Variants in YJU2B observed in about 807,000 individuals in gnomAD.
YJU2B encodes the protein YJU2 splicing factor homolog B, also known as probable splicing factor YJU2B.
A neutral mutation model predicts 38.0 loss-of-function variants in YJU2B; 18 were observed. The observed-to-expected ratio is 0.47, with a 90% CI of 0.33 to 0.70. The LOEUF is 0.70. YJU2B is among the 30% of genes least tolerant of loss of function. The pLI, the probability that YJU2B is intolerant of heterozygous loss-of-function variation, is 0.02. For missense variants in YJU2B, 538 were observed against 556.3 expected, an observed-to-expected ratio of 0.97 and a Z score of 0.33; for synonymous variants, 246 against 225.4, an observed-to-expected ratio of 1.09 and a Z score of -0.82.
chr19:13,762,560 G>C, intron 9 of YJU2B, 30 bp from the exon 10 acceptor site: 18 of 1,530,638 alleles, frequency 1.2e-5, no homozygotes, highest in Non-Finnish European at 1.6e-5. Context: ...CTCCCCTGCC[G>C]CCCCTGAAAT....
At position 13,756,319 on chromosome 19, in the gene YJU2B, C is replaced by A. The variant is rs201053407; in HGVS notation, c.140+40C>A. On this transcript the variant is annotated intron_variant, in intron 4 of 9. Coordinates refer to ENST00000221554, the MANE Select transcript of YJU2B (RefSeq NM_030818.4). ...CACCTGAGGACCCCACCGTCCTGCC[C>A]CATTCCTTCAGTCTCAAGGAGAGTT... The A allele has an allele frequency of 7.1e-5, 109 of 1,532,808 alleles. No homozygotes were observed. In the East Asian group the frequency reaches 2.4e-3, roughly 34 times the overall value. 95.0% of individuals were successfully genotyped at this position (1,532,808 alleles called of 1,614,324 possible).
chr19:13,738,772 C>T (rs562160897), intron 2 of YJU2B, among the ~76,000 whole-genome samples: 172 of 152,148 alleles, frequency 1.1e-3, no homozygotes, highest in Non-Finnish European at 2.1e-3. Context: ...TGCCTATAGT[C>T]CCAGCTACTC....
At chr19:13,737,875 A>G in intron 2 of YJU2B, among the ~76,000 whole-genome samples, 1 of 152,042 alleles carries the variant, frequency 6.6e-6, no homozygotes, top group East Asian at 1.9e-4. Context: ...CCCTTGGGAA[A>G]TAATATAAAT....
chr19:13,753,153 C>T (rs1219563633), intron 2 of YJU2B, among the ~76,000 whole-genome samples: 1 of 152,204 alleles, frequency 6.6e-6, no homozygotes, highest in Non-Finnish European at 1.5e-5. Flanking sequence ...CAATCAGACA[C>T]TGAGCCCAGC....
chr19:13,762,267 C>T (rs571854814), intron 8 of YJU2B, 32 bp from the exon 9 acceptor site: 10 of 1,609,790 alleles, frequency 6.2e-6, no homozygotes, highest in Admixed American at 1.7e-5. Context: ...TTTGACACCC[C>T]CTATCTCTGG....
chr19:13,747,829 G>A (rs1190028671), upstream of YJU2B: 7 of 152,318 alleles, frequency 4.6e-5, no homozygotes, highest in Non-Finnish European at 7.3e-5. Flanking sequence ...GCCAATCAGC[G>A]TGGAGCTGCT....
upstream of YJU2B, among the ~76,000 whole-genome samples, chr19:13,747,189 C>T (rs1267725989): frequency 2.0e-5 from 3 of 152,172 alleles, no homozygotes; most frequent in Non-Finnish European, 2.9e-5. Flanking sequence ...GAAAACCTCT[C>T]CTTCCCTGCA....
intron 2 of YJU2B, among the ~76,000 whole-genome samples, chr19:13,733,250 C>T (rs994179719): frequency 5.9e-5 from 9 of 151,988 alleles, no homozygotes; most frequent in Admixed American, 1.3e-4. Context: ...TTCTTAAGCC[C>T]ACCTGGCATC....
At chr19:13,749,092 C>A (rs909964774) in intron 1 of YJU2B, among the ~76,000 whole-genome samples, 3 of 152,206 alleles carry the variant, frequency 2.0e-5, no homozygotes, top group African/African-American at 7.2e-5. Context: ...CAACCTCCGC[C>A]TCCCAGATTC....
intron 2 of YJU2B, among the ~76,000 whole-genome samples, chr19:13,734,655 CAT>C (rs927328525): frequency 6.6e-6 from 1 of 152,140 alleles, no homozygotes; most frequent in African/African-American, 2.4e-5. Context: ...GTGCTGCAAA[CAT>C]AGCTCACTGC....
intron 8 of YJU2B, among the ~76,000 whole-genome samples, chr19:13,760,822 G>A (rs564571434): frequency 5.4e-4 from 82 of 152,116 alleles, no homozygotes; most frequent in Non-Finnish European, 4.7e-4. Flanking sequence ...CCATGCTGCA[G>A]TGCAGTGGCA....
At chr19:13,742,282 CTTT>C (rs1336303957) in intron 2 of YJU2B, among the ~76,000 whole-genome samples, 2 of 139,000 alleles carry the variant, frequency 1.4e-5, no homozygotes, top group East Asian at 2.1e-4. Flanking sequence ...TCTGGTCCTT[CTTT>C]GAGTCCCACT....
chr19:13,737,592 C>A, intron 2 of YJU2B, among the ~76,000 whole-genome samples: 1 of 149,444 alleles, frequency 6.7e-6, no homozygotes, highest in Non-Finnish European at 1.5e-5. Flanking sequence ...CAAGACCAGC[C>A]TGACCAACAT....
In YJU2B at chr19:13,750,230, T is replaced by G. The variant is rs75718865; in HGVS notation, c.-201-1378T>G. ...ATGGTTAGATGAGTTCATTGGTTTT[T>G]TTTGTTTGTTTGTTTGAGACGGAGT... On this transcript the variant is annotated intron_variant, in intron 1 of 9. Coordinates refer to ENST00000221554, the MANE Select transcript of YJU2B (RefSeq NM_030818.4). Among the ~76,000 whole-genome samples the G allele has an allele frequency of 8.3e-3, 1,263 of 152,244 alleles. 14 individuals are homozygous for G. The highest frequency in any genetic ancestry group is 0.027 in the African/African-American group (1,139 of 41,572).
chr19:13,742,294 C>CTTTTTTTTTTTT (rs552865402), intron 2 of YJU2B, among the ~76,000 whole-genome samples: 17 of 111,980 alleles, frequency 1.5e-4, no homozygotes, highest in African/African-American at 6.1e-4. Context: ...TTGAGTCCCA[C>CTTTTTTTTTTTT]TTTTTTTTTT....
At chr19:13,759,483 G>C (rs1973803006) in intron 8 of YJU2B, 1 of 520,142 alleles carries the variant, frequency 1.9e-6, no homozygotes, top group Non-Finnish European at 3.3e-6. Context: ...TAGAAATTTG[G>C]CTGGGCACAG....
At chr19:13,751,932 T>C in intron 2 of YJU2B, 121 bp downstream of exon 2, 2 of 943,060 alleles carry the variant, frequency 2.1e-6, no homozygotes, top group Non-Finnish European at 3.4e-6. Context: ...GTCATCATCT[T>C]TTGGTGCAGT....
At chr19:13,736,145 G>A (rs1972939385) in intron 2 of YJU2B, among the ~76,000 whole-genome samples, 1 of 151,708 alleles carries the variant, frequency 6.6e-6, no homozygotes, top group African/African-American at 2.4e-5. Context: ...GTAAATTATA[G>A]GATATACCAA....
intron 1 of YJU2B, among the ~76,000 whole-genome samples, chr19:13,748,805 G>C (rs930023566): frequency 8.5e-5 from 13 of 152,204 alleles, no homozygotes; most frequent in African/African-American, 3.1e-4. Flanking sequence ...GCCTCAAGGG[G>C]CACTTAGCTA....
Sources: allele counts gnomAD v4.1 joint callset (sites outside exome capture counted in the v4.1 genomes callset), GRCh38; gene constraint gnomAD v4.1.1; transcripts MANE v1.5; gene names NCBI Gene and HGNC (gene_info 2026-07-23, HGNC 2026-07-21).